CDH4: variants seen among roughly 807,000 people sequenced by gnomAD.
CDH4 encodes the protein cadherin-4.
CDH4 carries 33 observed loss-of-function variants against 86.0 expected under a neutral mutation model. The ratio of observed to expected loss-of-function variants is 0.38; its 90% CI spans 0.29 to 0.51. The LOEUF is 0.51. Ranked by LOEUF, CDH4 falls within the 20% of genes least tolerant of loss-of-function variation. The pLI is 0.86. For missense variants in CDH4, 1,114 were observed against 1,307.4 expected (o/e 0.85, Z 2.28); for synonymous variants, 555 against 549.4 (o/e 1.01, Z -0.14).
intron 6 of CDH4, among the ~76,000 whole-genome samples, chr20:61,866,898 G>A (rs1983574002): frequency 6.6e-6 from 1 of 152,256 alleles, no homozygotes; most frequent in Non-Finnish European, 1.5e-5. Context: ...GCAGGGAGCG[G>A]TCCTTGTTGC....
chr20:61,252,800 G>GGTGGAGGACCCGGGGAGCTCCGCCT lies in CDH4; in HGVS notation c.57+232_57+256dup, dbSNP rs1478796707. On this transcript the variant is annotated intron_variant, in intron 1 of 15. Coordinates refer to ENST00000614565, the MANE Select transcript of CDH4 (RefSeq NM_001794.5). The surrounding 1 kb of genome is among the most constrained non-coding windows in gnomAD (Gnocchi z 4.4). ...GCGGAGCAGGGTGGGAGTGGGGCTC[G>GGTGGAGGACCCGGGGAGCTCCGCCT]GTGGAGGACCCGGGGAGCTCCGCCT... 2.0e-5 allele frequency among the ~76,000 whole-genome samples: 3 copies of GGTGGAGGACCCGGGGAGCTCCGCCT among 151,654 alleles called. No individual in the cohort carries two copies. The highest frequency in any genetic ancestry group is 2.9e-5 in the Non-Finnish European group (2 of 67,802).
intron 2 of CDH4, among the ~76,000 whole-genome samples, chr20:61,605,912 A>G (rs867525504): frequency 6.7e-6 from 1 of 149,904 alleles, no homozygotes; most frequent in Non-Finnish European, 1.5e-5. Flanking sequence ...AAAACAGGAA[A>G]CCAGGTAGAG....
chr20:61,773,717 T>C (rs1446012061), intron 4 of CDH4, among the ~76,000 whole-genome samples: 1 of 152,246 alleles, frequency 6.6e-6, no homozygotes, highest in Non-Finnish European at 1.5e-5. Context: ...CAATTTCTTC[T>C]TCCCTTTGAA....
At chr20:61,361,856 A>G (rs1206070514) in intron 2 of CDH4, among the ~76,000 whole-genome samples, 3 of 152,164 alleles carry the variant, frequency 2.0e-5, no homozygotes, top group African/African-American at 7.2e-5. Context: ...GCTTTCTCTC[A>G]TGCCCAAGTA....
chr20:61,651,870 T>A (rs2087124913), intron 2 of CDH4, among the ~76,000 whole-genome samples: 1 of 152,198 alleles, frequency 6.6e-6, no homozygotes, highest in African/African-American at 2.4e-5. Flanking sequence ...TGGGAAGCCA[T>A]CGGGGCTGGG....
intron 2 of CDH4, among the ~76,000 whole-genome samples, chr20:61,665,075 G>A (rs574778797): frequency 5.0e-4 from 76 of 152,366 alleles, no homozygotes; most frequent in Admixed American, 1.8e-3. Flanking sequence ...TCGCTGGCAC[G>A]GGTGGCTCCT....
chr20:61,383,160 TATATATATGAATATATTTATGA>T lies in CDH4; in HGVS notation c.169+128244_169+128265del, dbSNP rs1239520136. On this transcript the variant is annotated intron_variant, in intron 2 of 15. Transcript: ENST00000614565. ...TATATATGAATATATATGAATATATTATATATATGAATATATTTATGAATATATATGAATATATTTATATATG... is the reference window on the plus strand; with the variant it reads ...TATATATGAATATATATGAATATATTATATATATGAATATATTTATATATG... Among the ~76,000 whole-genome samples, 10 of 103,608 alleles carry T rather than the reference TATATATATGAATATATTTATGA, an allele frequency of 9.7e-5. 1 individual carries two copies. The highest frequency in any genetic ancestry group is 2.3e-4 in the East Asian group (1 of 4,284). The allele number at this position is 103,608 out of a possible 152,430, so 68.0% of individuals were successfully genotyped here.
intron 2 of CDH4, among the ~76,000 whole-genome samples, chr20:61,734,949 G>A (rs6121792): frequency 1.1e-4 from 16 of 152,100 alleles, no homozygotes; most frequent in South Asian, 8.3e-4. Flanking sequence ...ATCTCCCTGC[G>A]CTGGGTGGGC....
chr20:61,532,401 C>T (rs896750953), intron 2 of CDH4, among the ~76,000 whole-genome samples: 1 of 152,136 alleles, frequency 6.6e-6, no homozygotes, highest in Non-Finnish European at 1.5e-5. Flanking sequence ...AAAATGGAGC[C>T]CCGTATGAAA....
chr20:61,738,447 CTT>C (rs1022299085), intron 2 of CDH4: 2 of 152,084 alleles, frequency 1.3e-5, no homozygotes, highest in Non-Finnish European at 2.9e-5. Context: ...AGAAACAACT[CTT>C]TTGTCCCCCA....
chr20:61,922,700 C>T (rs190204925), intron 9 of CDH4, among the ~76,000 whole-genome samples: 11 of 152,342 alleles, frequency 7.2e-5, no homozygotes, highest in Admixed American at 5.2e-4. Flanking sequence ...CAGACTGCAC[C>T]TCTGTCGCCA....
At chr20:61,308,438 A>G (rs1186234604) in intron 2 of CDH4, among the ~76,000 whole-genome samples, 2 of 152,098 alleles carry the variant, frequency 1.3e-5, no homozygotes, top group African/African-American at 4.8e-5. Context: ...AGTCGGTGAC[A>G]CCCTCCTTCT....
At chr20:61,561,997 TGG>T (rs1342148854) in intron 2 of CDH4, among the ~76,000 whole-genome samples, 1 of 149,532 alleles carries the variant, frequency 6.7e-6, no homozygotes, top group Non-Finnish European at 1.5e-5. Flanking sequence ...TGTGGAGAGG[TGG>T]ACCCCAGGGC....
At chr20:61,657,933 C>A (rs527630946) in intron 2 of CDH4, among the ~76,000 whole-genome samples, 1 of 152,082 alleles carries the variant, frequency 6.6e-6, no homozygotes, top group African/African-American at 2.4e-5. Flanking sequence ...GGCTCGTCAC[C>A]GGTGGGAGCC....
intron 2 of CDH4, among the ~76,000 whole-genome samples, chr20:61,275,899 G>A (rs1478200584): frequency 1.3e-5 from 2 of 152,100 alleles, no homozygotes; most frequent in African/African-American, 2.4e-5. Context: ...TGGTGAGACT[G>A]TAGCTTCTCT....
At chr20:61,821,695 G>T (rs75911101) in intron 4 of CDH4, among the ~76,000 whole-genome samples, 10 of 152,342 alleles carry the variant, frequency 6.6e-5, no homozygotes, top group Admixed American at 2.0e-4. Flanking sequence ...AAGACCCTTG[G>T]GGGGGTCTAC....
At chr20:61,523,367 A>G (rs972070765) in intron 2 of CDH4, among the ~76,000 whole-genome samples, 3 of 152,236 alleles carry the variant, frequency 2.0e-5, no homozygotes, top group African/African-American at 7.2e-5. Context: ...TGCGTTTGCC[A>G]CGTGTGATGA....
intron 3 of CDH4, among the ~76,000 whole-genome samples, chr20:61,768,386 A>ACC (rs1476676778): frequency 3.9e-5 from 6 of 152,190 alleles, no homozygotes; most frequent in Admixed American, 3.9e-4. Flanking sequence ...GCATGCATAC[A>ACC]TGTGTGCATA....
intron 2 of CDH4, among the ~76,000 whole-genome samples, chr20:61,711,272 T>C (rs1490882392): frequency 1.3e-5 from 2 of 152,218 alleles, no homozygotes; most frequent in Non-Finnish European, 1.5e-5. Flanking sequence ...CCGCCATGAT[T>C]GTAAGTTTTC....
Sources: gnomAD v4.1 joint callset for allele counts (sites outside exome capture counted in the v4.1 genomes callset) on GRCh38, gnomAD v4.1.1 for gene constraint, Gnocchi (gnomAD v3.1) non-coding constraint, MANE v1.5 for transcripts, NCBI Gene and HGNC (gene_info 2026-07-23, HGNC 2026-07-21) for gene names.